TNFSF4: variants seen among roughly 807,000 people sequenced by gnomAD.
TNFSF4 encodes tumor necrosis factor ligand superfamily member 4.
In TNFSF4, 4 loss-of-function variants were observed where a neutral mutation model predicts 7.3. The ratio of observed to expected loss-of-function variants is 0.55; its 90% confidence interval spans 0.27 to 1.25. The LOEUF (loss-of-function observed/expected upper bound fraction) is 1.25. TNFSF4 is among the 50% of genes most tolerant of loss of function. TNFSF4 has a pLI of 0.12. For missense variants in TNFSF4, 181 were observed against 208.8 expected (o/e 0.87, Z 0.82); for synonymous variants, 76 against 83.7 (o/e 0.91, Z 0.50).
the TNFSF4 span, chr1:173,440,347 G>A: frequency 6.6e-6 from 1 of 151,956 alleles, no homozygotes; most frequent in East Asian, 1.9e-4. Context: ...ATGACAGTAT[G>A]TATTAATTTC....
chr1:173,224,987 G>C, the TNFSF4 span, among the ~76,000 whole-genome samples: 1 of 151,988 alleles, frequency 6.6e-6, no homozygotes. Flanking sequence ...TCCAAAATAG[G>C]CTTTATTTCT....
At chr1:173,381,821 A>G in the TNFSF4 span, among the ~76,000 whole-genome samples, 34 of 152,194 alleles carry the variant, frequency 2.2e-4, no homozygotes, top group Non-Finnish European at 3.4e-4. Flanking sequence ...GTCTAGCTAA[A>G]GGATTGTAAA....
At chr1:173,305,380 T>A in the TNFSF4 span, among the ~76,000 whole-genome samples, 278 of 152,014 alleles carry the variant, frequency 1.8e-3, 1 homozygote, top group Middle Eastern at 0.017. Flanking sequence ...CTGGGCAGGA[T>A]GAAACACGCT....
At chr1:173,376,818 C>T in the TNFSF4 span, among the ~76,000 whole-genome samples, 7 of 152,216 alleles carry the variant, frequency 4.6e-5, no homozygotes, top group Non-Finnish European at 1.0e-4. Flanking sequence ...AATCTTGCTT[C>T]TGCTCAATCT....
chr1:173,395,377 AATATATATAT>A, the TNFSF4 span, among the ~76,000 whole-genome samples: 3,857 of 63,208 alleles, frequency 0.061, 183 homozygotes, highest in Non-Finnish European at 0.084. Flanking sequence ...CTGTGTATAT[AATATATATAT>A]ATATATATAT....
the TNFSF4 span, among the ~76,000 whole-genome samples, chr1:173,272,568 C>T: frequency 6.6e-6 from 1 of 152,060 alleles, no homozygotes; most frequent in Non-Finnish European, 1.5e-5. Flanking sequence ...GGAACATTGT[C>T]ATGGTGAAAA....
At chr1:173,364,414 T>C in the TNFSF4 span, among the ~76,000 whole-genome samples, 157 of 147,484 alleles carry the variant, frequency 1.1e-3, no homozygotes, top group African/African-American at 3.6e-3. Context: ...CACACACACA[T>C]ATATATACAT....
the TNFSF4 span, among the ~76,000 whole-genome samples, chr1:173,356,847 G>T: frequency 6.6e-6 from 1 of 152,104 alleles, no homozygotes; most frequent in Non-Finnish European, 1.5e-5. Context: ...TGTGTGGGGG[G>T]AAAAAATGAC....
chr1:173,415,381 C>T, the TNFSF4 span, among the ~76,000 whole-genome samples: 1 of 152,136 alleles, frequency 6.6e-6, no homozygotes, highest in African/African-American at 2.4e-5. Flanking sequence ...CAAAGAGCAC[C>T]TTGAAGCCTA....
At chr1:173,380,367 A>T in the TNFSF4 span, among the ~76,000 whole-genome samples, 1 of 152,056 alleles carries the variant, frequency 6.6e-6, no homozygotes, top group Non-Finnish European at 1.5e-5. Flanking sequence ...TGGAAGGACA[A>T]TTCGGAAGGG....
the TNFSF4 span, among the ~76,000 whole-genome samples, chr1:173,215,987 A>G: frequency 1.3e-5 from 2 of 152,170 alleles, no homozygotes; most frequent in African/African-American, 4.8e-5. Context: ...CCCACCCCAG[A>G]CCTATCAAAT....
At chr1:173,436,894 G>C in the TNFSF4 span, among the ~76,000 whole-genome samples, 1 of 152,216 alleles carries the variant, frequency 6.6e-6, no homozygotes, top group Admixed American at 6.5e-5. Flanking sequence ...TTTCTGTGTA[G>C]TGAAGAATTA....
chr1:173,306,639 A>G, the TNFSF4 span, among the ~76,000 whole-genome samples: 1 of 151,872 alleles, frequency 6.6e-6, no homozygotes, highest in Non-Finnish European at 1.5e-5. Context: ...CCTTTCACAT[A>G]CACTATGCCT....
At chr1:173,207,926 CA>C (rs921496832), upstream of TNFSF4, among the ~76,000 whole-genome samples, 11 of 152,198 alleles carry the variant, frequency 7.2e-5, no homozygotes, top group African/African-American at 2.7e-4. Context: ...CCCTTTGAGG[CA>C]AATTCAATAA....
At chr1:173,243,000 T>TGGGCGGGG in the TNFSF4 span, among the ~76,000 whole-genome samples, 6 of 5,404 alleles carry the variant, frequency 1.1e-3, 1 homozygote, top group African/African-American at 7.8e-4. Flanking sequence ...AAGAAGTTGG[T>TGGGCGGGG]GGGTGGGGGG....
the TNFSF4 span, among the ~76,000 whole-genome samples, chr1:173,338,001 T>C: frequency 6.6e-6 from 1 of 152,102 alleles, no homozygotes; most frequent in Non-Finnish European, 1.5e-5. Flanking sequence ...CATTGTCCAA[T>C]AGGATCATGA....
the TNFSF4 span, among the ~76,000 whole-genome samples, chr1:173,304,896 G>A: frequency 3.9e-5 from 6 of 151,998 alleles, no homozygotes; most frequent in Non-Finnish European, 7.4e-5. Flanking sequence ...GTCAAGGGGA[G>A]AGGAATTAAG....
chr1:173,355,947 G>T, the TNFSF4 span, among the ~76,000 whole-genome samples: 1 of 152,198 alleles, frequency 6.6e-6, no homozygotes, highest in Admixed American at 6.5e-5. Context: ...GAGAGTTTCT[G>T]CTTGTCTAAA....
chr1:173,238,227 T>C, the TNFSF4 span, among the ~76,000 whole-genome samples: 4 of 152,058 alleles, frequency 2.6e-5, no homozygotes, highest in East Asian at 7.7e-4. Context: ...GAAAATCTCC[T>C]TACACCATAT....
Sources: gnomAD v4.1 joint callset for allele counts (sites outside exome capture counted in the v4.1 genomes callset) on GRCh38, gnomAD v4.1.1 for gene constraint, MANE v1.5 for transcripts, NCBI Gene and HGNC (gene_info 2026-07-23, HGNC 2026-07-21) for gene names.